The following PRR14L variants were observed in gnomAD, a reference collection of about 807,000 sequenced individuals.
PRR14L encodes protein PRR14L.
PRR14L carries 80 observed loss-of-function variants against 155.0 expected under a neutral mutation model. The ratio of observed to expected loss-of-function variants is 0.52; its 90% CI spans 0.43 to 0.62. PRR14L has a LOEUF of 0.62. Ranked by LOEUF, PRR14L falls within the 20% of genes least tolerant of loss-of-function variation. The probability of loss-of-function intolerance (pLI) is 0.00; values close to 1 mark genes in which losing one functional copy is unlikely to be tolerated. For synonymous variants in PRR14L, 883 were observed against 916.0 expected (o/e 0.96, Z 0.65); for missense variants, 2,469 against 2,548.0 (o/e 0.97, Z 0.67).
chr22:31,733,663 T>C (rs548060665), intron 2 of PRR14L, among the ~76,000 whole-genome samples: 23 of 152,278 alleles, frequency 1.5e-4, no homozygotes, highest in African/African-American at 5.3e-4. Flanking sequence ...TTGTTAAATG[T>C]TGCCAAACTG....
chr22:31,688,269 T>A (rs1319307838), intron 7 of PRR14L, 42 bp from the exon 8 acceptor site: 6 of 1,512,938 alleles, frequency 4.0e-6, no homozygotes, highest in Admixed American at 2.3e-5. Context: ...GTTCTCTCTC[T>A]CTTTTTTTTT....
chr22:31,712,320 C>T lies in PRR14L; in HGVS notation c.5519G>A (p.Ser1840Asn), dbSNP rs2074627905. The T allele has an allele frequency of 1.2e-6, 2 of 1,614,136 alleles. No homozygotes were observed. The highest frequency in any genetic ancestry group is 1.3e-5 in the African/African-American group (1 of 75,038). The change falls in exon 4 of 9, where the codon AGC becomes AAC. Residue 1840 changes from serine (S) to asparagine (N), a missense_variant. By Grantham distance (46) the Ser-to-Asn change is conservative. Transcript: ENST00000327423. ...CATGGTAGGCATGTGGCTGGAGAAG[C>T]TCCGTTTTTTTGTCCAGATTCGGTA... The part of the protein sequence containing the change: ...GCYRIWTKKR[S>N]FSSHMPTMQR...
intron 7 of PRR14L, among the ~76,000 whole-genome samples, chr22:31,696,868 A>C (rs1213833408): frequency 6.6e-6 from 1 of 152,026 alleles, no homozygotes. Flanking sequence ...TAATCCCAGC[A>C]CTTTGGGAGG....
chr22:31,732,112 C>A (rs2074753597), intron 2 of PRR14L, among the ~76,000 whole-genome samples: 1 of 152,150 alleles, frequency 6.6e-6, no homozygotes, highest in African/African-American at 2.4e-5. Flanking sequence ...GTTTATCCTT[C>A]CCATGTGTAC....
At position 31,701,665 on chromosome 22, in the gene PRR14L, C is replaced by G; in HGVS notation, c.6098G>C (p.Arg2033Pro). 1 of 1,604,174 alleles carries G rather than the reference C, an allele frequency of 6.2e-7. No homozygotes were observed. Among genetic ancestry groups the G allele is most frequent in the Non-Finnish European group, 8.5e-7 (1 of 1,176,384 alleles). ...CAGAGAAGGAGCTCACCTTTTGGGT[C>G]GAGGAAGGCCCATGGGGGTAAGATT... ...DPNLTPMGLPRPKRLKKKEFS... is the reference protein window; with the variant it reads ...DPNLTPMGLPPPKRLKKKEFS... Residue 2033 changes from arginine (R) to proline (P), a missense_variant, in exon 7 of 9, where the codon CGA (arginine) becomes CCA (proline). By Grantham distance (103) the Arg-to-Pro change is moderately radical (BLOSUM62 -2). Around this residue, in one of 2 missense-constraint regions of PRR14L, gnomAD observed 106 missense variants for 176.4 expected, o/e 0.60. Transcript: ENST00000327423.
chr22:31,709,466 G>C (rs1450877979), intron 4 of PRR14L, among the ~76,000 whole-genome samples: 2 of 137,582 alleles, frequency 1.5e-5, no homozygotes, highest in Non-Finnish European at 3.2e-5. Flanking sequence ...ACGTCGGTCA[G>C]GCCCGCCTCG....
At chr22:31,700,990 ATT>A (rs997276060) in intron 7 of PRR14L, among the ~76,000 whole-genome samples, 2 of 139,554 alleles carry the variant, frequency 1.4e-5, no homozygotes, top group Non-Finnish European at 1.6e-5. Flanking sequence ...AAGTTTGGCG[ATT>A]TTTTTTTTTT....
At chr22:31,706,016 C>T (rs2074588932) in intron 4 of PRR14L, among the ~76,000 whole-genome samples, 1 of 138,696 alleles carries the variant, frequency 7.2e-6, no homozygotes, top group South Asian at 2.4e-4. Flanking sequence ...CCAAACTAAA[C>T]AAAACAACAT....
intron 1 of PRR14L, among the ~76,000 whole-genome samples, chr22:31,744,966 C>T (rs1217099885): frequency 6.6e-6 from 1 of 152,200 alleles, no homozygotes; most frequent in Non-Finnish European, 1.5e-5. Context: ...GACACCCCCT[C>T]CTTTTTCTCC....
At chr22:31,727,743 AGGCTGAGGTGGGTGGATC>A (rs1230593001) in intron 2 of PRR14L, among the ~76,000 whole-genome samples, 2 of 151,804 alleles carry the variant, frequency 1.3e-5, no homozygotes, top group Non-Finnish European at 2.9e-5. Context: ...GCACTTTGGG[AGGCTGAGGTGGGTGGATC>A]ACCTGAGGTC....
At chr22:31,704,593 ACTCT>A (rs1370714533) in intron 5 of PRR14L, 58 bp downstream of exon 5, 7 of 1,379,572 alleles carry the variant, frequency 5.1e-6, no homozygotes, top group East Asian at 4.6e-5. Flanking sequence ...CTATGTATGC[ACTCT>A]CTCTCTTGCA....
intron 3 of PRR14L, among the ~76,000 whole-genome samples, chr22:31,719,331 G>T (rs568984047): frequency 3.6e-4 from 54 of 151,792 alleles, no homozygotes; most frequent in African/African-American, 1.3e-3. Context: ...GAGGATGCTT[G>T]AGCCCAGGAC....
At chr22:31,721,054 T>C (rs535993896) in intron 3 of PRR14L, among the ~76,000 whole-genome samples, 15 of 152,214 alleles carry the variant, frequency 9.9e-5, no homozygotes, top group South Asian at 4.1e-4. Context: ...AACATCAGTT[T>C]TGTAAAATTA....
rs535029830 is a variant in PRR14L at position 31,715,696 on chromosome 22, C to A, written c.2143G>T (p.Asp715Tyr). 6.4e-7 allele frequency: 1 copy of A among 1,552,162 alleles called. No homozygotes were observed. Among genetic ancestry groups the A allele is most frequent in the East Asian group, 2.4e-5 (1 of 40,912 alleles). ...GTTTGGTTACCTGGTGGAGAGATGTCTTTTATTTTTGTCTGAATGGGAATG... is the reference window on the plus strand; with the variant it reads ...GTTTGGTTACCTGGTGGAGAGATGTATTTTATTTTTGTCTGAATGGGAATG... The part of the protein sequence containing the change: ...QTIPIQTKIK[D>Y]ISPPGNQTCG... Residue 715 changes from aspartate to tyrosine, a missense_variant, in exon 4 of 9, where the codon GAC (aspartate) becomes TAC (tyrosine). Physicochemically the swap from Asp to Tyr is radical, Grantham distance 160. Transcript: ENST00000327423.
chr22:31,703,522 T>A (rs1256268786), intron 6 of PRR14L, 28 bp downstream of exon 6: 1 of 1,599,076 alleles, frequency 6.3e-7, no homozygotes, highest in African/African-American at 1.3e-5. Flanking sequence ...GCCACCATCA[T>A]CTGACCCAAC....
At chr22:31,710,921 G>C (rs934362298) in intron 4 of PRR14L, among the ~76,000 whole-genome samples, 1 of 152,164 alleles carries the variant, frequency 6.6e-6, no homozygotes, top group African/African-American at 2.4e-5. Flanking sequence ...AAACCCTAAA[G>C]CTGAAGTATG....
intron 4 of PRR14L, among the ~76,000 whole-genome samples, chr22:31,705,487 C>T (rs908260803): frequency 1.3e-5 from 2 of 151,916 alleles, no homozygotes; most frequent in Non-Finnish European, 2.9e-5. Flanking sequence ...GATTCTTCTG[C>T]CTCAGCCTCC....
intron 7 of PRR14L, among the ~76,000 whole-genome samples, chr22:31,698,085 C>T (rs2074544342): frequency 6.8e-6 from 1 of 147,778 alleles, no homozygotes; most frequent in Admixed American, 6.8e-5. Flanking sequence ...GATGGAGTGG[C>T]TCAATCATGG....
chr22:31,699,161 C>T (rs62240684), intron 7 of PRR14L, among the ~76,000 whole-genome samples: 11,446 of 151,994 alleles, frequency 0.075, 498 homozygotes, highest in Admixed American at 0.14. Context: ...CTCAGCCTCC[C>T]GAGTAGCTGG....
Sources: gnomAD v4.1 joint callset for allele counts (sites outside exome capture counted in the v4.1 genomes callset) on GRCh38, gnomAD v4.1.1 for gene constraint, gnomAD v4.1.1 regional missense constraint, MANE v1.5 for transcripts, NCBI Gene and HGNC (gene_info 2026-07-23, HGNC 2026-07-21) for gene names.